BAZ2B: variants seen among roughly 807,000 people sequenced by gnomAD.
The protein encoded by BAZ2B is bromodomain adjacent to zinc finger domain protein 2B.
BAZ2B carries 91 observed loss-of-function variants against 246.0 expected under a neutral mutation model. The observed-to-expected ratio is 0.37, with a 90% confidence interval of 0.31 to 0.44. The LOEUF is 0.44. BAZ2B is among the 20% of genes least tolerant of loss of function. The probability of loss-of-function intolerance (pLI) is 1.00; values close to 1 mark genes in which losing one functional copy is unlikely to be tolerated. For missense variants in BAZ2B, 2,332 were observed against 2,533.7 expected, an observed-to-expected ratio of 0.92 and a Z score of 1.71; for synonymous variants, 855 against 860.0, an observed-to-expected ratio of 0.99 and a Z score of 0.10.
At chr2:159,692,641 A>G in the BAZ2B span, among the ~76,000 whole-genome samples, 1 of 152,172 alleles carries the variant, frequency 6.6e-6, no homozygotes, top group Non-Finnish European at 1.5e-5. Context: ...ACTTGAGGCC[A>G]GGAGTTCAAG....
intron 13 of BAZ2B, among the ~76,000 whole-genome samples, chr2:159,414,239 G>C (rs1020212767): frequency 3.9e-5 from 6 of 152,142 alleles, no homozygotes; most frequent in Non-Finnish European, 8.8e-5. Context: ...CAGAGATAGA[G>C]AGCAGAATGA....
chr2:159,693,125 TTTG>T, the BAZ2B span: 2 of 130,794 alleles, frequency 1.5e-5, no homozygotes, highest in African/African-American at 7.5e-5. Context: ...TTGGAATTTG[TTTG>T]TTAATATTTT....
At chr2:159,696,774 G>A in the BAZ2B span, among the ~76,000 whole-genome samples, 1 of 152,150 alleles carries the variant, frequency 6.6e-6, no homozygotes, top group Admixed American at 6.5e-5. Context: ...GTTATATGCA[G>A]TGTTTTTTTG....
At position 159,337,834 on chromosome 2, in the gene BAZ2B, C is replaced by T. The variant is rs1468236714; in HGVS notation, c.5455-62G>A. On this transcript the variant is annotated intron_variant, in intron 31 of 36. Coordinates refer to ENST00000392783, the MANE Select transcript of BAZ2B (RefSeq NM_013450.4). ...CTTAAAATGCTAGGTGGGTGAATTA[C>T]CTTTACTTAAAATACAGCATTGGAT... 3 of 1,479,992 alleles carry T rather than the reference C, an allele frequency of 2.0e-6. No individual in the cohort carries two copies. In the Admixed American group the frequency reaches 5.5e-5, roughly 27 times the overall value. The allele number at this position is 1,479,992 out of a possible 1,614,324, so 91.7% of individuals were successfully genotyped here. A position where few individuals can be genotyped will look rare whatever the true frequency, so the allele number is the denominator to read the frequency against.
chr2:159,634,243 C>T, the BAZ2B span, among the ~76,000 whole-genome samples: 133 of 152,294 alleles, frequency 8.7e-4, no homozygotes, highest in Middle Eastern at 0.027. Context: ...ATAGCTGCTG[C>T]TCTGTTAATA....
intron 19 of BAZ2B, 46 bp from the exon 20 acceptor site, chr2:159,395,880 C>T (rs140923423): frequency 6.6e-7 from 1 of 1,514,284 alleles, no homozygotes; most frequent in Non-Finnish European, 9.0e-7. Context: ...CCACAATTAA[C>T]AGTTTGATTT....
At position 159,479,910 on chromosome 2, in the gene BAZ2B, A is replaced by G. The variant is rs566793247; in HGVS notation, c.-2-1189T>C. Among the ~76,000 whole-genome samples the G allele has an allele frequency of 1.1e-4, 16 of 152,248 alleles. No homozygotes were observed. In the East Asian group the frequency reaches 2.5e-3, roughly 24 times the overall value. On this transcript the variant is annotated intron_variant, in intron 2 of 36. Coordinates refer to ENST00000392783, the MANE Select transcript of BAZ2B (RefSeq NM_013450.4). ...TTGCTGTAAATCACTTCCATAAATG[A>G]CAGTACTGCTATGATGAGTCTGTCC...
chr2:159,454,970 A>G (rs1338459925), intron 3 of BAZ2B, among the ~76,000 whole-genome samples: 1 of 152,130 alleles, frequency 6.6e-6, no homozygotes, highest in African/African-American at 2.4e-5. Flanking sequence ...TAATACTTGG[A>G]AATCTTCCCT....
intron 17 of BAZ2B, 91 bp from the exon 18 acceptor site, chr2:159,398,985 C>T (rs969970423): frequency 1.1e-5 from 14 of 1,236,066 alleles, no homozygotes; most frequent in African/African-American, 3.0e-5. Context: ...ACATGTCTCA[C>T]AAGGTACGAA....
At chr2:159,387,511 T>C (rs1331815289) in intron 21 of BAZ2B, among the ~76,000 whole-genome samples, 2 of 152,210 alleles carry the variant, frequency 1.3e-5, no homozygotes, top group African/African-American at 2.4e-5. Context: ...ACTCTGCATT[T>C]ATTGAGGTAA....
At position 159,462,700 on chromosome 2, in the gene BAZ2B, T is replaced by A. The variant is rs1282649849; in HGVS notation, c.146-8899A>T. The A allele has an allele frequency of 4.4e-6, 6 of 1,361,860 alleles. No homozygotes were observed. In the Admixed American group the frequency reaches 1.0e-4, roughly 23 times the overall value. The allele number at this position is 1,361,860 out of a possible 1,614,324, so 84.4% of individuals were successfully genotyped here. A position where few individuals can be genotyped will look rare whatever the true frequency, so the allele number is the denominator to read the frequency against. The stretch of plus-strand genomic sequence containing the variant: ...TCTTAAGCACTCCAACCACCTGGGC[T>A]GTAGGTGGTGTGATGGTAAACTTCC... On this transcript the variant is annotated intron_variant, in intron 3 of 36. Coordinates refer to ENST00000392783, the MANE Select transcript of BAZ2B (RefSeq NM_013450.4).
At chr2:159,509,532 G>A (rs1250730143) in intron 2 of BAZ2B, among the ~76,000 whole-genome samples, 1 of 152,132 alleles carries the variant, frequency 6.6e-6, no homozygotes, top group Non-Finnish European at 1.5e-5. Context: ...ATGTGCTGAA[G>A]CCAGTATTCA....
the BAZ2B span, chr2:159,689,372 CTT>C: frequency 0.058 from 9,636 of 165,324 alleles, 1 homozygote; most frequent in South Asian, 0.12. Flanking sequence ...TTTTACTTTC[CTT>C]TTTTTTTTTT....
At chr2:159,336,207 A>G (rs1019515680) in intron 33 of BAZ2B, among the ~76,000 whole-genome samples, 2 of 152,208 alleles carry the variant, frequency 1.3e-5, no homozygotes, top group African/African-American at 4.8e-5. Flanking sequence ...AAGACTACAT[A>G]TAATAGATAA....
At chr2:159,348,005 A>C (rs1170339925) in intron 30 of BAZ2B, among the ~76,000 whole-genome samples, 1 of 152,112 alleles carries the variant, frequency 6.6e-6, no homozygotes, top group Non-Finnish European at 1.5e-5. Flanking sequence ...CAAAACCTAG[A>C]GATGTTCACA....
At chr2:159,574,686 G>A (rs1284048950) in intron 1 of BAZ2B, among the ~76,000 whole-genome samples, 1 of 152,082 alleles carries the variant, frequency 6.6e-6, no homozygotes, top group African/African-American at 2.4e-5. Flanking sequence ...ATATTATTTG[G>A]TAAGAAAATG....
Position 159,331,333 on chromosome 2 carries a change from T to C in BAZ2B, c.5943+1207A>G, listed in dbSNP as rs191298581. ...TGGAGGAGGCAGAGCTAGAGATAAA[T>C]TATTGACATCATTAAAGGCCTCTAA... On this transcript the variant is annotated intron_variant, in intron 34 of 36. Transcript: ENST00000392783. Among the ~76,000 whole-genome samples, 94 of 152,284 alleles carry C rather than the reference T, an allele frequency of 6.2e-4. 1 individual carries two copies. The East Asian group carries it at 0.012, about 20-fold the overall frequency.
intron 2 of BAZ2B, among the ~76,000 whole-genome samples, chr2:159,519,147 C>T (rs2083756783): frequency 6.7e-6 from 1 of 148,838 alleles, no homozygotes; most frequent in South Asian, 2.1e-4. Context: ...TAAACATACA[C>T]TAACAATTTC....
chr2:159,405,217 TA>T (rs869145953), intron 14 of BAZ2B, 103 bp from the exon 15 acceptor site: 225 of 931,210 alleles, frequency 2.4e-4, no homozygotes, highest in Non-Finnish European at 2.9e-4. Flanking sequence ...ATATAATTAT[TA>T]CTTTTTTTTT....
Sources: gnomAD v4.1 joint callset for allele counts (sites outside exome capture counted in the v4.1 genomes callset) on GRCh38, gnomAD v4.1.1 for gene constraint, MANE v1.5 for transcripts, NCBI Gene and HGNC (gene_info 2026-07-23, HGNC 2026-07-21) for gene names.